Variants in ANK3 observed in about 807,000 individuals in gnomAD.
ANK3 encodes ankyrin 3, also known as ankyrin-3.
In ANK3, 57 loss-of-function variants were observed where a neutral mutation model predicts 370.9. The ratio of observed to expected loss-of-function variants is 0.15; its 90% confidence interval spans 0.12 to 0.19. The LOEUF (loss-of-function observed/expected upper bound fraction) is 0.19. Among genes scored for constraint, ANK3 ranks in the 10% least tolerant of loss-of-function variants. The pLI, the probability that ANK3 is intolerant of heterozygous loss-of-function variation, is 1.00. For synonymous variants in ANK3, 1,929 were observed against 1,946.3 expected, an observed-to-expected ratio of 0.99 and a Z score of 0.23; for missense variants, 4,439 against 5,302.1, an observed-to-expected ratio of 0.84 and a Z score of 5.06.
chr10:60,630,179 CCCT>C lies in ANK3; in HGVS notation c.58-14958_58-14956del, dbSNP rs527341553. Among the ~76,000 whole-genome samples, 7 of 152,154 alleles carry C rather than the reference CCCT, an allele frequency of 4.6e-5. No homozygotes were observed. In the South Asian group the frequency reaches 1.0e-3, roughly 23 times the overall value. On this transcript the variant is annotated intron_variant, in intron 1 of 43. Coordinates refer to the ANK3 transcript ENST00000373827. ...TTATCTGTCAAAGGGCATGATATCT[CCCT>C]CCTCCTCATTACCAATTTGCTGCAA...
chr10:60,488,975 G>C (rs2075421187), intron 2 of ANK3, among the ~76,000 whole-genome samples: 1 of 152,174 alleles, frequency 6.6e-6, no homozygotes, highest in Non-Finnish European at 1.5e-5. Flanking sequence ...ATTTCAACCA[G>C]AAATGGATAT....
chr10:60,526,344 G>A (rs774923782), intron 2 of ANK3, among the ~76,000 whole-genome samples: 12 of 152,118 alleles, frequency 7.9e-5, no homozygotes, highest in Non-Finnish European at 1.5e-4. Flanking sequence ...AATGAAATCA[G>A]TAGCAACTTT....
intron 1 of ANK3, among the ~76,000 whole-genome samples, chr10:60,646,609 G>A (rs939416293): frequency 1.3e-5 from 2 of 152,096 alleles, no homozygotes; most frequent in Non-Finnish European, 2.9e-5. Flanking sequence ...CATCCCTGGG[G>A]TAGGAGCCTA....
intron 1 of ANK3, among the ~76,000 whole-genome samples, chr10:60,658,758 G>C (rs1416661772): frequency 2.0e-5 from 3 of 151,664 alleles, no homozygotes; most frequent in Non-Finnish European, 4.4e-5. Context: ...TCTGGATTGT[G>C]TTGCATTTCT....
intron 1 of ANK3, among the ~76,000 whole-genome samples, chr10:60,700,481 T>C (rs182844858): frequency 2.0e-5 from 3 of 152,240 alleles, no homozygotes; most frequent in Admixed American, 1.3e-4. Flanking sequence ...AATTCTGAAG[T>C]TGATTTGGAA....
At chr10:60,411,834 GTATT>G (rs1353076448) in intron 2 of ANK3, among the ~76,000 whole-genome samples, 1 of 152,064 alleles carries the variant, frequency 6.6e-6, no homozygotes. Flanking sequence ...AAATGAAAGA[GTATT>G]TATAAAGTGC....
chr10:60,167,046 T>G, intron 21 of ANK3, 150 bp from the exon 22 acceptor site: 1 of 697,756 alleles, frequency 1.4e-6, no homozygotes, highest in African/African-American at 1.8e-5. Context: ...AAAATTGTTG[T>G]CCCTTAGTGT....
chr10:60,514,232 C>A (rs533561337), intron 2 of ANK3, among the ~76,000 whole-genome samples: 19 of 152,228 alleles, frequency 1.2e-4, no homozygotes, highest in African/African-American at 4.1e-4. Context: ...TTGGGGAAGT[C>A]AAATTATACA....
At chr10:60,260,560 C>T (rs72820486) in intron 7 of ANK3, among the ~76,000 whole-genome samples, 8,094 of 151,898 alleles carry the variant, frequency 0.053, 365 homozygotes, top group African/African-American at 0.12. Flanking sequence ...CCAAATCTCA[C>T]GTTGAAACGT....
intron 2 of ANK3, among the ~76,000 whole-genome samples, chr10:60,504,713 A>G (rs1178577556): frequency 1.3e-5 from 2 of 152,214 alleles, no homozygotes; most frequent in African/African-American, 4.8e-5. Flanking sequence ...AAAAAATACA[A>G]CTAGGATGAA....
At chr10:60,538,359 C>T (rs980232455) in intron 2 of ANK3, among the ~76,000 whole-genome samples, 6 of 151,830 alleles carry the variant, frequency 4.0e-5, no homozygotes, top group African/African-American at 1.4e-4. Flanking sequence ...AAGCCAAATC[C>T]TCCCAGTTAC....
At chr10:60,614,155 A>G (rs1395433670) in intron 2 of ANK3, among the ~76,000 whole-genome samples, 1 of 152,180 alleles carries the variant, frequency 6.6e-6, no homozygotes, top group Non-Finnish European at 1.5e-5. Flanking sequence ...CCATAGATAG[A>G]AAATAGAATT....
chr10:60,185,844 G>T (rs2096311133), intron 17 of ANK3, among the ~76,000 whole-genome samples: 1 of 152,122 alleles, frequency 6.6e-6, no homozygotes, highest in Non-Finnish European at 1.5e-5. Context: ...CAAGTTTCTG[G>T]TTAATTGTCG....
chr10:60,144,448 T>A (rs1458173677), intron 23 of ANK3, among the ~76,000 whole-genome samples: 4 of 152,214 alleles, frequency 2.6e-5, no homozygotes, highest in South Asian at 4.1e-4. Context: ...GTTCTTATTG[T>A]TAATCTACAT....
intron 1 of ANK3, among the ~76,000 whole-genome samples, chr10:60,283,985 G>T (rs1257137560): frequency 6.6e-6 from 1 of 152,030 alleles, no homozygotes; most frequent in East Asian, 1.9e-4. Context: ...CAAAACTGAT[G>T]TTCATTAGGA....
At chr10:60,404,264 TA>T (rs1161176682) in intron 2 of ANK3, among the ~76,000 whole-genome samples, 4 of 152,044 alleles carry the variant, frequency 2.6e-5, no homozygotes, top group African/African-American at 9.7e-5. Flanking sequence ...TATGTGAATA[TA>T]AAGAACTTTG....
intron 23 of ANK3, among the ~76,000 whole-genome samples, chr10:60,149,437 A>C (rs2094984802): frequency 6.6e-6 from 1 of 152,170 alleles, no homozygotes. Context: ...TAGGGGGAAA[A>C]AATATTCAAA....
chr10:60,535,203 G>A (rs1283229595), intron 2 of ANK3, among the ~76,000 whole-genome samples: 1 of 152,070 alleles, frequency 6.6e-6, no homozygotes, highest in Non-Finnish European at 1.5e-5. Context: ...GGGCTCTAAT[G>A]TTTGCGGTTT....
intron 1 of ANK3, among the ~76,000 whole-genome samples, chr10:60,288,413 T>C (rs949857040): frequency 6.6e-5 from 10 of 152,174 alleles, no homozygotes; most frequent in Non-Finnish European, 1.3e-4. Flanking sequence ...GGAGCCTGAA[T>C]TCATGGTAGA....
Sources: allele counts gnomAD v4.1 joint callset (sites outside exome capture counted in the v4.1 genomes callset), GRCh38; gene constraint gnomAD v4.1.1; transcripts MANE v1.5; gene names NCBI Gene and HGNC (gene_info 2026-07-23, HGNC 2026-07-21).